FHIT: variants seen among roughly 807,000 people sequenced by gnomAD.
FHIT encodes bis(5'-adenosyl)-triphosphatase.
In FHIT, 19 loss-of-function variants were observed where a neutral mutation model predicts 17.9. The observed-to-expected ratio is 1.06, with a 90% CI of 0.74 to 1.56. FHIT has a LOEUF of 1.56. Among genes scored for constraint, FHIT ranks in the 40% most tolerant of loss-of-function variants. The pLI, the probability that FHIT is intolerant of heterozygous loss-of-function variation, is 0.00. For missense variants in FHIT, 248 were observed against 189.2 expected (o/e 1.31, Z -1.82); for synonymous variants, 81 against 69.7 (o/e 1.16, Z -0.81).
At chr3:60,723,819 A>T (rs1237454962) in intron 4 of FHIT, among the ~76,000 whole-genome samples, 2 of 152,220 alleles carry the variant, frequency 1.3e-5, no homozygotes, top group African/African-American at 2.4e-5. Context: ...CTCATTCAGC[A>T]TTCTATTTGT....
rs539012384 is a variant in FHIT at position 60,910,410 on chromosome 3, C to CTT, written c.-110-88401_-110-88400dup. Among the ~76,000 whole-genome samples, 159 of 138,112 alleles carry CTT rather than the reference C, an allele frequency of 1.2e-3. 1 individual carries two copies. Among genetic ancestry groups the CTT allele is most frequent in the South Asian group, 3.0e-3 (13 of 4,374 alleles). 90.6% of individuals were successfully genotyped at this position (138,112 alleles called of 152,430 possible). On this transcript the variant is annotated intron_variant, in intron 3 of 9. Transcript: ENST00000492590. ...ATCTTAAGCTTACAGGTCTTTCTCT[C>CTT]TTTTTTTTTTTTTTTTTCCCAGACG... is the stretch of plus-strand genomic sequence containing the variant.
chr3:59,783,921 A>G (rs1702720698), intron 8 of FHIT, among the ~76,000 whole-genome samples: 1 of 152,204 alleles, frequency 6.6e-6, no homozygotes, highest in Non-Finnish European at 1.5e-5. Context: ...CCTGGTTTGC[A>G]GACATTATTT....
At chr3:60,220,449 AT>A (rs1048954783) in intron 5 of FHIT, among the ~76,000 whole-genome samples, 4 of 152,194 alleles carry the variant, frequency 2.6e-5, no homozygotes. Context: ...ATTAAAAAAA[AT>A]AAATCAACTG....
intron 8 of FHIT, among the ~76,000 whole-genome samples, chr3:59,763,916 C>T (rs1307762709): frequency 6.6e-6 from 1 of 152,150 alleles, no homozygotes. Flanking sequence ...GGCTAGAAGA[C>T]GAGAGACTGA....
chr3:59,773,560 C>T (rs1702166918), intron 8 of FHIT, among the ~76,000 whole-genome samples: 2 of 152,168 alleles, frequency 1.3e-5, no homozygotes, highest in African/African-American at 4.8e-5. Flanking sequence ...TCCTTCTCAC[C>T]CTCTGGGTCT....
chr3:60,619,651 T>C (rs1159807600), intron 4 of FHIT, among the ~76,000 whole-genome samples: 2 of 135,026 alleles, frequency 1.5e-5, no homozygotes, highest in African/African-American at 5.5e-5. Context: ...GACCTCACAC[T>C]ATTCACAAAA....
chr3:61,042,015 A>G (rs971326173), intron 3 of FHIT, 32 bp downstream of exon 3: 1 of 152,254 alleles, frequency 6.6e-6, no homozygotes, highest in African/African-American at 2.4e-5. Flanking sequence ...ATATGTGCCA[A>G]TTCTGTTAAG....
chr3:60,558,462 T>C (rs1046570634), intron 4 of FHIT, among the ~76,000 whole-genome samples: 7 of 151,698 alleles, frequency 4.6e-5, no homozygotes, highest in African/African-American at 1.7e-4. Context: ...TCAGGAGAGT[T>C]TGAGTATGCC....
intron 5 of FHIT, among the ~76,000 whole-genome samples, chr3:60,464,697 C>CT (rs1307206012): frequency 1.3e-5 from 2 of 152,082 alleles, no homozygotes; most frequent in Non-Finnish European, 2.9e-5. Context: ...AGATATCATT[C>CT]TTTTTTATAG....
chr3:60,258,100 A>C (rs111458821), intron 5 of FHIT, among the ~76,000 whole-genome samples: 211 of 145,164 alleles, frequency 1.5e-3, no homozygotes, highest in Admixed American at 3.0e-3. Context: ...ACACACACAC[A>C]CCTCTGCAGA....
rs566515354 is a variant in FHIT at position 60,015,873 on chromosome 3, A to G, written c.104-1721T>C. 5.9e-5 allele frequency among the ~76,000 whole-genome samples: 9 copies of G among 152,352 alleles called. No homozygotes were observed. The East Asian group carries it at 1.7e-3, about 29-fold the overall frequency. Reference sequence around the variant, plus strand: ...TGTTTTTTTTCAACACCATAAAAAAACTTATTGTTTGTCAATTTTGCTTGT... The same window carrying G: ...TGTTTTTTTTCAACACCATAAAAAAGCTTATTGTTTGTCAATTTTGCTTGT... On this transcript the variant is annotated intron_variant, in intron 5 of 9. Transcript: ENST00000492590.
intron 8 of FHIT, among the ~76,000 whole-genome samples, chr3:59,826,847 A>G (rs911000066): frequency 6.6e-6 from 1 of 152,264 alleles, no homozygotes; most frequent in Non-Finnish European, 1.5e-5. Flanking sequence ...TGCAAGTCTT[A>G]GAATAAAACC....
intron 8 of FHIT, among the ~76,000 whole-genome samples, chr3:59,815,889 T>TAA (rs200494306): frequency 1.3e-5 from 2 of 148,466 alleles, no homozygotes; most frequent in Non-Finnish European, 3.0e-5. Context: ...CCTATAGAAA[T>TAA]AAAAAAAAAA....
At chr3:60,356,872 G>T (rs935197875) in intron 5 of FHIT, among the ~76,000 whole-genome samples, 2 of 151,406 alleles carry the variant, frequency 1.3e-5, no homozygotes, top group Non-Finnish European at 2.9e-5. Flanking sequence ...CATCTTTCAG[G>T]CAGAGAACAT....
At chr3:61,134,106 C>CACACACACACACACACACAG (rs2036843861) in intron 2 of FHIT, among the ~76,000 whole-genome samples, 1 of 150,918 alleles carries the variant, frequency 6.6e-6, no homozygotes, top group Non-Finnish European at 1.5e-5. Flanking sequence ...CACATACACA[C>CACACACACACACACACACAG]ACACACACAC....
rs1043291748 is a variant in FHIT, at chr3:60,453,127, C to G, written c.103+83733G>C. ...TCTTTTATGAGCCAAATTACAGTAA[C>G]AGAGTTGGGAATATAATGATGCAAT... is the stretch of plus-strand genomic sequence containing the variant. On this transcript the variant is annotated intron_variant, in intron 5 of 9. Coordinates refer to ENST00000492590, the MANE Select transcript of FHIT (RefSeq NM_002012.4). Among the ~76,000 whole-genome samples the G allele has an allele frequency of 2.6e-5, 4 of 151,794 alleles. No homozygotes were observed. In the East Asian group the frequency reaches 7.7e-4, roughly 29 times the overall value.
At chr3:60,574,582 T>TC (rs1322484911) in intron 4 of FHIT, among the ~76,000 whole-genome samples, 21 of 151,916 alleles carry the variant, frequency 1.4e-4, no homozygotes, top group African/African-American at 4.8e-4. Context: ...CCCTCAAGAA[T>TC]CCCAGGCTGG....
intron 5 of FHIT, among the ~76,000 whole-genome samples, chr3:60,184,362 G>A (rs1702074370): frequency 6.6e-6 from 1 of 150,586 alleles, no homozygotes; most frequent in South Asian, 2.1e-4. Context: ...TGTTGCTTAA[G>A]ACTTTTCTTA....
chr3:60,333,566 A>T (rs1187155447), intron 5 of FHIT, among the ~76,000 whole-genome samples: 3 of 152,176 alleles, frequency 2.0e-5, no homozygotes, highest in South Asian at 2.1e-4. Flanking sequence ...ATTTAAAAAG[A>T]AAAAATATAA....
Sources: allele counts gnomAD v4.1 joint callset (sites outside exome capture counted in the v4.1 genomes callset), GRCh38; gene constraint gnomAD v4.1.1; transcripts MANE v1.5; gene names NCBI Gene and HGNC (gene_info 2026-07-23, HGNC 2026-07-21).